C3: variants seen among roughly 807,000 people sequenced by gnomAD.
C3 encodes complement C3.
In C3, 97 loss-of-function variants were observed where a neutral mutation model predicts 207.9. The observed-to-expected ratio is 0.47, with a 90% CI of 0.40 to 0.55. The LOEUF is 0.55. C3 is among the 20% of genes least tolerant of loss of function. The pLI, the probability that C3 is intolerant of heterozygous loss-of-function variation, is 0.00. For missense variants in C3, 1,684 were observed against 2,171.7 expected, an observed-to-expected ratio of 0.78 and a Z score of 4.46; for synonymous variants, 848 against 857.6, an observed-to-expected ratio of 0.99 and a Z score of 0.20.
In C3 at chr19:6,707,508, G is replaced by C. The variant is rs1489455441; in HGVS notation, c.2005C>G (p.Arg669Gly). ...TCCGTGAGCTGCACGGAACGGCGTC[G>C]GCGGGCGGCTGGCTGCGGGCACTGA... ...ELQCPQPAAR[R>G]RRSVQLTEKR... Residue 669 changes from arginine to glycine, a missense_variant, in exon 16 of 41, where the codon CGA (arginine) becomes GGA (glycine). Arg to Gly is a moderately radical substitution (Grantham distance 125). Transcript: ENST00000245907. 9 of 1,613,932 alleles carry C rather than the reference G, an allele frequency of 5.6e-6. No homozygotes were observed. Among genetic ancestry groups the C allele is most frequent in the Non-Finnish European group, 7.6e-6 (9 of 1,179,978 alleles).
At chr19:6,689,359 C>CT (rs201954645) in intron 27 of C3, among the ~76,000 whole-genome samples, 2,750 of 65,938 alleles carry the variant, frequency 0.042, 78 homozygotes, top group Non-Finnish European at 0.062. Flanking sequence ...CTCCCTCCCT[C>CT]CCTCTCTCTC....
At chr19:6,690,200 T>C (rs2145403749) in intron 27 of C3, among the ~76,000 whole-genome samples, 1 of 152,336 alleles carries the variant, frequency 6.6e-6, no homozygotes, top group African/African-American at 2.4e-5. Flanking sequence ...GTCTTAGCTC[T>C]GTATCCCAAG....
rs149001382 is a variant in C3, at chr19:6,684,257, G to A, written c.4172+131C>T. On this transcript the variant is annotated intron_variant, in intron 33 of 40. Transcript: ENST00000245907. Reference sequence around the variant, plus strand: ...GACTGTCTGTGTTGTCTACCTCATGGTGGATACTTAGAACAGTATCAGATA... The same window carrying A: ...GACTGTCTGTGTTGTCTACCTCATGATGGATACTTAGAACAGTATCAGATA... The A allele has an allele frequency of 1.6e-5, 13 of 819,372 alleles. No individual in the cohort carries two copies. In the African/African-American group the frequency reaches 2.0e-4, roughly 13 times the overall value. 50.8% of individuals were successfully genotyped at this position (819,372 alleles called of 1,614,324 possible).
chr19:6,710,949 G>T, intron 12 of C3, 38 bp downstream of exon 12: 3 of 1,607,970 alleles, frequency 1.9e-6, no homozygotes, highest in Non-Finnish European at 2.6e-6. Context: ...AAGAAACAAG[G>T]AGGAGGCGGG....
intron 17 of C3, among the ~76,000 whole-genome samples, 132 bp downstream of exon 17, chr19:6,706,921 ACCTCCTGCCCCCTCAGACAGGGG>A (rs1568222539): frequency 1.2e-4 from 9 of 77,048 alleles, no homozygotes; most frequent in Admixed American, 6.7e-4. Flanking sequence ...TGAGACAGGG[ACCTCCTGCCCCCTCAGACAGGGG>A]CCTCCTCCCC....
chr19:6,702,431 G>T, intron 18 of C3, 40 bp downstream of exon 18: 1 of 1,339,356 alleles, frequency 7.5e-7, no homozygotes, highest in South Asian at 1.2e-5. Flanking sequence ...TAAACGGTCT[G>T]ACTCTGGGGT....
chr19:6,709,669 G>A lies in C3; in HGVS notation c.1845+15C>T. On this transcript the variant is annotated intron_variant, in intron 14 of 40. Coordinates refer to ENST00000245907, the MANE Select transcript of C3 (RefSeq NM_000064.4). ...CTCCGCCTCTTCTCAGCAGCCTTGGGTCACTGGCCCTTACCTTACTCTGCG... is the reference window on the plus strand; with the variant it reads ...CTCCGCCTCTTCTCAGCAGCCTTGGATCACTGGCCCTTACCTTACTCTGCG... The A allele has an allele frequency of 1.9e-6, 3 of 1,611,552 alleles. No homozygotes were observed. Among genetic ancestry groups the A allele is most frequent in the Non-Finnish European group, 2.5e-6 (3 of 1,179,114 alleles).
chr19:6,679,454 C>T lies in C3; in HGVS notation c.4499G>A (p.Gly1500Glu). 1 of 1,614,054 alleles carries T rather than the reference C, an allele frequency of 6.2e-7. No homozygotes were observed. The highest frequency in any genetic ancestry group is 8.5e-7 in the Non-Finnish European group (1 of 1,179,888). Residue 1500 changes from glycine (G) to glutamate (E), a missense_variant, in exon 37 of 41, where the codon GGA becomes GAA. Gly to Glu is a moderately conservative substitution (Grantham distance 98). This residue lies in a region of C3 where 346 missense variants were observed against 380.1 expected (regional missense o/e 0.91). Transcript: ENST00000245907. ...ATCACGGCAGAGCTTGTTCAGCTTT[C>T]CATCCTCCTTTTCCGGATGGTAGAA... ...TRFYHPEKED[G>E]KLNKLCRDEL...
chr19:6,681,794 C>G, intron 35 of C3, 147 bp downstream of exon 35: 1 of 728,864 alleles, frequency 1.4e-6, no homozygotes, highest in Non-Finnish European at 2.5e-6. Flanking sequence ...AAGCTCCTTC[C>G]CCTACAACTC....
intron 14 of C3, among the ~76,000 whole-genome samples, chr19:6,708,689 CTTTTT>C (rs34659937): frequency 1.6e-5 from 2 of 126,042 alleles, no homozygotes; most frequent in Non-Finnish European, 3.3e-5. Flanking sequence ...TCTTTCCATT[CTTTTT>C]TTTTTTTTTT....
chr19:6,697,578 C>T (rs201679859), intron 20 of C3, 22 bp from the exon 21 acceptor site: 3 of 1,613,720 alleles, frequency 1.9e-6, no homozygotes, highest in Middle Eastern at 1.6e-4. Flanking sequence ...AGAAAGGATC[C>T]GGGCAAGTGT....
In C3 at chr19:6,682,505, G is replaced by C. The variant is rs548302553; in HGVS notation, c.4173-276C>G. ...TTGGATGCATTATTTGACCCTCCAT[G>C]CTTCAGTTCTAGAAAACAAGGCAAG... On this transcript the variant is annotated intron_variant, in intron 33 of 40. Coordinates refer to ENST00000245907, the MANE Select transcript of C3 (RefSeq NM_000064.4). 68 of 404,556 alleles carry C rather than the reference G, an allele frequency of 1.7e-4. 2 individuals carry two copies. Among genetic ancestry groups the C allele is most frequent in the South Asian group, 1.5e-3 (67 of 45,878 alleles). The allele number at this position is 404,556 out of a possible 1,614,324, so 25.1% of individuals were successfully genotyped here.
intron 4 of C3, chr19:6,717,872 GTC>G: frequency 1.6e-6 from 1 of 635,144 alleles, no homozygotes; most frequent in Non-Finnish European, 2.9e-6. Context: ...GTGCACATGT[GTC>G]TGCATATCTC....
intron 13 of C3, 66 bp downstream of exon 13, chr19:6,710,573 G>GGA (rs112132860): frequency 1.1e-3 from 1,103 of 1,023,926 alleles, no homozygotes; most frequent in Non-Finnish European, 1.4e-3. Context: ...GAGGAGACAG[G>GGA]GAGAGAGAGA....
At position 6,707,631 on chromosome 19, in the gene C3, T is replaced by C. The variant is rs996850908; in HGVS notation, c.1976-94A>G. The stretch of plus-strand genomic sequence containing the variant: ...CGATCGTGTGAGGTGGGGGTGTTCC[T>C]GCTCCCATTTGATGGAAGAGCAAAC... On this transcript the variant is annotated intron_variant, in intron 15 of 40. Transcript: ENST00000245907. The C allele has an allele frequency of 8.5e-6, 13 of 1,533,930 alleles. No individual in the cohort carries two copies. In the Admixed American group the frequency reaches 1.2e-4, roughly 14 times the overall value.
At chr19:6,685,594 G>A (rs1917983707) in intron 29 of C3, among the ~76,000 whole-genome samples, 1 of 152,170 alleles carries the variant, frequency 6.6e-6, no homozygotes, top group South Asian at 2.1e-4. Flanking sequence ...GAACGTGAGT[G>A]ACAGACCACC....
chr19:6,698,019 ATTAT>A (rs1967578032), intron 19 of C3, among the ~76,000 whole-genome samples: 4 of 16,840 alleles, frequency 2.4e-4, no homozygotes, highest in Non-Finnish European at 4.2e-4. Flanking sequence ...TATTATTATT[ATTAT>A]TATTAATTAT....
chr19:6,694,237 AG>A (rs1290936817), intron 24 of C3, among the ~76,000 whole-genome samples, 193 bp downstream of exon 24: 1 of 146,962 alleles, frequency 6.8e-6, no homozygotes, highest in East Asian at 2.0e-4. Context: ...TCTCATGAAA[AG>A]CCTGGCCTGG....
rs945676974 is a variant in C3 at position 6,707,103 on chromosome 19, G to A, written c.2218C>T (p.Arg740Trp). The change falls in exon 17 of 41, where the codon CGG becomes TGG. Residue 740 changes from arginine (R) to tryptophan (W), a missense_variant. Around this residue, in one of 3 missense-constraint regions of C3, gnomAD observed 1,280 missense variants for 1,739.1 expected, o/e 0.74. Transcript: ENST00000245907. Reference sequence around the variant, plus strand: ...CTGGCCAGGCCCAGGTGGCTGGCCCGCGCGTGCTGCCGCCGCAGCTCTGTG... The same window carrying A: ...CTGGCCAGGCCCAGGTGGCTGGCCCACGCGTGCTGCCGCCGCAGCTCTGTG... ...YITELRRQHA[R>W]ASHLGLARSN... The A allele has an allele frequency of 4.4e-6, 7 of 1,605,006 alleles. No homozygotes were observed. In the East Asian group the frequency reaches 6.8e-5, roughly 16 times the overall value.
Sources: gnomAD v4.1 joint callset for allele counts (sites outside exome capture counted in the v4.1 genomes callset) on GRCh38, gnomAD v4.1.1 for gene constraint, gnomAD v4.1.1 regional missense constraint, MANE v1.5 for transcripts, NCBI Gene and HGNC (gene_info 2026-07-23, HGNC 2026-07-21) for gene names.